SLC35F1: variants seen among roughly 807,000 people sequenced by gnomAD.
SLC35F1 encodes solute carrier family 35 member F1.
A neutral mutation model predicts 48.7 loss-of-function variants in SLC35F1; 14 were observed. That is an observed-to-expected ratio of 0.29 (90% CI 0.19 to 0.45). The LOEUF (loss-of-function observed/expected upper bound fraction) is 0.45, where lower values mean the gene tolerates loss of function less well. Ranked by LOEUF, SLC35F1 falls within the 20% of genes least tolerant of loss-of-function variation. The pLI is 1.00. For missense variants in SLC35F1, 404 were observed against 500.0 expected, an observed-to-expected ratio of 0.81 and a Z score of 1.83; for synonymous variants, 190 against 202.2, an observed-to-expected ratio of 0.94 and a Z score of 0.51.
chr6:118,152,059 G>A (rs1165188663), intron 1 of SLC35F1, among the ~76,000 whole-genome samples: 1 of 152,108 alleles, frequency 6.6e-6, no homozygotes, highest in African/African-American at 2.4e-5. Flanking sequence ...AAAGGCATTA[G>A]TTTCAATACA....
chr6:118,227,089 T>C (rs1562331713), intron 2 of SLC35F1, among the ~76,000 whole-genome samples: 1 of 152,310 alleles, frequency 6.6e-6, no homozygotes, highest in East Asian at 1.9e-4. Context: ...CCTTCCCTCA[T>C]GGTGCACTGC....
intron 3 of SLC35F1, among the ~76,000 whole-genome samples, chr6:118,240,185 A>G (rs9401060): frequency 0.54 from 82,753 of 152,074 alleles, 22,808 homozygotes; most frequent in East Asian, 0.73. Flanking sequence ...CTTCTAAAGG[A>G]GATAAGAGAC....
intron 1 of SLC35F1, among the ~76,000 whole-genome samples, chr6:117,922,585 A>G (rs538429843): frequency 2.0e-5 from 3 of 152,310 alleles, no homozygotes; most frequent in South Asian, 2.1e-4. Flanking sequence ...TTAATCAGTT[A>G]TTATTTTAGT....
At chr6:118,036,972 CAT>C (rs555485477) in intron 1 of SLC35F1, among the ~76,000 whole-genome samples, 286 of 152,242 alleles carry the variant, frequency 1.9e-3, no homozygotes, top group Non-Finnish European at 3.5e-3. Flanking sequence ...ATTTTTGTAA[CAT>C]ATATATTTGA....
chr6:118,081,130 T>A (rs1177733435), intron 1 of SLC35F1, among the ~76,000 whole-genome samples: 2 of 152,168 alleles, frequency 1.3e-5, no homozygotes, highest in South Asian at 2.1e-4. Context: ...TTTTTCTCTT[T>A]TACCCCTGTT....
At chr6:118,310,468 T>C (rs1038883493) in intron 7 of SLC35F1, among the ~76,000 whole-genome samples, 1 of 152,224 alleles carries the variant, frequency 6.6e-6, no homozygotes, top group African/African-American at 2.4e-5. Flanking sequence ...TTCAATTTTC[T>C]TTTTCTTAAT....
At chr6:118,235,692 T>C in intron 3 of SLC35F1, 56 bp downstream of exon 3, 2 of 1,576,708 alleles carry the variant, frequency 1.3e-6, no homozygotes, top group Non-Finnish European at 1.7e-6. Context: ...TAGTTTACTT[T>C]CAGTTTAGTC....
intron 7 of SLC35F1, among the ~76,000 whole-genome samples, chr6:118,288,361 C>G (rs920151407): frequency 2.0e-5 from 3 of 152,106 alleles, no homozygotes; most frequent in Non-Finnish European, 2.9e-5. Context: ...GCTTTTTATA[C>G]ATTTTAGGGA....
intron 1 of SLC35F1, among the ~76,000 whole-genome samples, chr6:118,057,565 A>G (rs1772480644): frequency 6.6e-6 from 1 of 152,232 alleles, no homozygotes; most frequent in Non-Finnish European, 1.5e-5. Context: ...TAATTTGAGA[A>G]GAGATTAATC....
intron 1 of SLC35F1, among the ~76,000 whole-genome samples, chr6:118,084,231 CTT>C (rs1244391152): frequency 6.6e-6 from 1 of 152,002 alleles, no homozygotes; most frequent in African/African-American, 2.4e-5. Context: ...AGTCCCATGA[CTT>C]TATTAAGTTT....
rs1160586670 is a variant in SLC35F1, at chr6:117,907,468, C to G, written c.-259C>G. On this transcript the variant is annotated 5_prime_UTR_variant, in exon 1 of 8. Transcript: ENST00000360388. The stretch of plus-strand genomic sequence containing the variant: ...CGGGCCAGGACTTGGGGACGCGGCT[C>G]GGGAAGAGCCGGGGCGGGCGGCGGC... The G allele has an allele frequency of 8.0e-6, 2 of 251,532 alleles. No individual in the cohort carries two copies. The highest frequency in any genetic ancestry group is 8.1e-5 in the East Asian group (1 of 12,280). The allele number at this position is 251,532 out of a possible 1,614,324, so 15.6% of individuals were successfully genotyped here. A position where few individuals can be genotyped will look rare whatever the true frequency, so the allele number is the denominator to read the frequency against.
chr6:118,090,053 G>T (rs963174203), intron 1 of SLC35F1, among the ~76,000 whole-genome samples: 2 of 152,178 alleles, frequency 1.3e-5, no homozygotes, highest in Admixed American at 6.5e-5. Context: ...CTGAGACTGA[G>T]TAAGAATGGG....
chr6:118,176,804 T>G (rs2114503850), intron 2 of SLC35F1, among the ~76,000 whole-genome samples: 1 of 152,248 alleles, frequency 6.6e-6, no homozygotes, highest in African/African-American at 2.4e-5. Flanking sequence ...TGTTGGCACC[T>G]TCCCTTGGGA....
chr6:118,205,120 C>T (rs577205862), intron 2 of SLC35F1, among the ~76,000 whole-genome samples: 1 of 152,338 alleles, frequency 6.6e-6, no homozygotes, highest in East Asian at 1.9e-4. Context: ...CTGCCCTCCC[C>T]ATCCTCCGTC....
intron 7 of SLC35F1, among the ~76,000 whole-genome samples, chr6:118,306,252 A>C (rs1350838507): frequency 1.3e-5 from 2 of 151,910 alleles, no homozygotes; most frequent in African/African-American, 4.9e-5. Flanking sequence ...TCTGACCTTA[A>C]ATTTTTAAGA....
chr6:118,044,720 T>C (rs990953200), intron 1 of SLC35F1, among the ~76,000 whole-genome samples: 1 of 152,060 alleles, frequency 6.6e-6, no homozygotes, highest in Admixed American at 6.6e-5. Context: ...TGACATAGTC[T>C]ATAGCTGCAC....
intron 1 of SLC35F1, among the ~76,000 whole-genome samples, chr6:118,083,346 A>G (rs1018692212): frequency 1.3e-5 from 2 of 152,246 alleles, no homozygotes; most frequent in Non-Finnish European, 2.9e-5. Flanking sequence ...TAAGTGGTAA[A>G]GTAATAAGGA....
At chr6:117,948,843 C>T (rs933858129) in intron 1 of SLC35F1, among the ~76,000 whole-genome samples, 1 of 151,948 alleles carries the variant, frequency 6.6e-6, no homozygotes, top group South Asian at 2.1e-4. Context: ...AGAGATAATA[C>T]TCAAGCTTAA....
chr6:118,226,210 A>C (rs889187527), intron 2 of SLC35F1, among the ~76,000 whole-genome samples: 1 of 152,218 alleles, frequency 6.6e-6, no homozygotes, highest in African/African-American at 2.4e-5. Flanking sequence ...ACAAGGAATG[A>C]CATGCTGGTG....
Sources: gnomAD v4.1 joint callset for allele counts (sites outside exome capture counted in the v4.1 genomes callset) on GRCh38, gnomAD v4.1.1 for gene constraint, MANE v1.5 for transcripts, NCBI Gene and HGNC (gene_info 2026-07-23, HGNC 2026-07-21) for gene names.